DNAH14: variants seen among roughly 807,000 people sequenced by gnomAD.
DNAH14 encodes axonemal beta dynein heavy chain 14.
A neutral mutation model predicts 520.9 loss-of-function variants in DNAH14; 478 were observed. The ratio of observed to expected loss-of-function variants is 0.92; its 90% CI spans 0.85 to 0.99. The LOEUF is 0.99. DNAH14 is among the 50% of genes least tolerant of loss of function. The pLI, the probability that DNAH14 is intolerant of heterozygous loss-of-function variation, is 0.00. For synonymous variants in DNAH14, 1,581 were observed against 1,757.2 expected, an observed-to-expected ratio of 0.90 and a Z score of 2.51; for missense variants, 4,831 against 5,234.5, an observed-to-expected ratio of 0.92 and a Z score of 2.38.
intron 27 of DNAH14, among the ~76,000 whole-genome samples, chr1:225,138,779 C>T (rs2079181106): frequency 6.6e-6 from 1 of 152,140 alleles, no homozygotes; most frequent in Admixed American, 6.5e-5. Context: ...CCCCGCTAAG[C>T]TGTTGTCCCC....
At chr1:225,303,381 A>T in intron 57 of DNAH14, 34 bp downstream of exon 57, 1 of 1,525,420 alleles carries the variant, frequency 6.6e-7, no homozygotes, top group South Asian at 1.2e-5. Context: ...GTTTCAGTTT[A>T]TTGACAGCAT....
intron 23 of DNAH14, among the ~76,000 whole-genome samples, chr1:225,109,438 G>A (rs188511821): frequency 1.3e-5 from 2 of 151,796 alleles, no homozygotes; most frequent in East Asian, 3.9e-4. Flanking sequence ...CACTTCTTAG[G>A]TTGATTCCTA....
Position 225,100,869 on chromosome 1 carries a change from A to G in DNAH14, c.3852A>G (p.Ile1284Met). The change falls in exon 23 of 86, where the codon ATA becomes ATG. Residue 1284 changes from isoleucine (I) to methionine (M), a missense_variant. Transcript: ENST00000682510. The stretch of plus-strand genomic sequence containing the variant: ...ATTGTAATATACATCTTGAACATAT[A>G]AAGAAAAGCCTTGAGGTAAAACTAT... ...LQNCNIHLEH[I>M]KKSLEDYLEV... The G allele has an allele frequency of 6.6e-7, 1 of 1,504,200 alleles. No homozygotes were observed. The highest frequency in any genetic ancestry group is 8.8e-7 in the Non-Finnish European group (1 of 1,133,442). The allele number at this position is 1,504,200 out of a possible 1,614,324, so 93.2% of individuals were successfully genotyped here.
At chr1:225,219,771 A>G (rs1395799053) in intron 41 of DNAH14, among the ~76,000 whole-genome samples, 2 of 152,156 alleles carry the variant, frequency 1.3e-5, no homozygotes, top group African/African-American at 4.8e-5. Context: ...ATTATTCCAA[A>G]CAATAGAAAA....
In DNAH14 at chr1:225,289,839, T is replaced by G. The variant is rs1031413760; in HGVS notation, c.8272-46T>G. 2.4e-6 allele frequency: 3 copies of G among 1,230,996 alleles called. No individual in the cohort carries two copies. In the South Asian group the frequency reaches 1.0e-4, roughly 43 times the overall value. The allele number at this position is 1,230,996 out of a possible 1,614,324, so 76.3% of individuals were successfully genotyped here. A position where few individuals can be genotyped will look rare whatever the true frequency, so the allele number is the denominator to read the frequency against. On this transcript the variant is annotated intron_variant, in intron 54 of 85. Coordinates refer to ENST00000682510, the MANE Select transcript of DNAH14 (RefSeq NM_001367479.1). ...AAACAGAAAACTATACGTTGAAAGA[T>G]TCCCAGAAAATGTATGTCATGTGTT...
Position 225,028,955 on chromosome 1 carries a change from C to G in DNAH14, c.1358+5090C>G, listed in dbSNP as rs79436369. ...AGCAAGCCTCCTCCTAGCCATTTAC[C>G]GCAAAAAGCAGAAAACATTTTTCTA... is the stretch of plus-strand genomic sequence containing the variant. On this transcript the variant is annotated intron_variant, in intron 11 of 85. Coordinates refer to ENST00000682510, the MANE Select transcript of DNAH14 (RefSeq NM_001367479.1). Among the ~76,000 whole-genome samples the G allele has an allele frequency of 2.0e-5, 3 of 151,752 alleles. No homozygotes were observed. In the East Asian group the frequency reaches 5.8e-4, roughly 29 times the overall value.
At chr1:225,225,107 T>C (rs1574119167) in intron 41 of DNAH14, among the ~76,000 whole-genome samples, 2 of 152,266 alleles carry the variant, frequency 1.3e-5, no homozygotes, top group South Asian at 4.1e-4. Flanking sequence ...CCACCAAAAT[T>C]GGAGAAATGT....
At chr1:225,173,890 GA>G (rs1054290589) in intron 36 of DNAH14, among the ~76,000 whole-genome samples, 1 of 152,212 alleles carries the variant, frequency 6.6e-6, no homozygotes, top group Non-Finnish European at 1.5e-5. Context: ...ACTGGATTAA[GA>G]AAATGTGGCA....
chr1:225,286,531 C>T (rs1393090428), intron 54 of DNAH14, among the ~76,000 whole-genome samples: 2 of 152,098 alleles, frequency 1.3e-5, no homozygotes, highest in African/African-American at 4.8e-5. Flanking sequence ...CGAGATACCA[C>T]AACATCCCTA....
intron 19 of DNAH14, 69 bp downstream of exon 19, chr1:225,080,817 A>G (rs1343183134): frequency 3.5e-6 from 5 of 1,428,790 alleles, no homozygotes; most frequent in Admixed American, 2.8e-5. Context: ...CATCAAGAGC[A>G]TTGTCCTTGG....
intron 4 of DNAH14, chr1:224,961,285 G>A (rs1483487690): frequency 6.6e-5 from 10 of 152,160 alleles, no homozygotes; most frequent in African/African-American, 2.4e-4. Flanking sequence ...GATCCGTTAA[G>A]CTGTATCCAG....
At chr1:225,098,342 G>A (rs757471129) in intron 22 of DNAH14, among the ~76,000 whole-genome samples, 5 of 152,142 alleles carry the variant, frequency 3.3e-5, no homozygotes, top group Non-Finnish European at 7.4e-5. Context: ...AAAGTGATTG[G>A]CCTTAAGGGT....
chr1:225,022,095 AT>A (rs1220828920), intron 10 of DNAH14, among the ~76,000 whole-genome samples: 6 of 152,238 alleles, frequency 3.9e-5, no homozygotes, highest in Non-Finnish European at 7.3e-5. Context: ...ATATACAAAA[AT>A]TAACTCAAGA....
At chr1:225,156,738 G>T in intron 34 of DNAH14, among the ~76,000 whole-genome samples, 1 of 76,072 alleles carries the variant, frequency 1.3e-5, no homozygotes, top group Non-Finnish European at 2.4e-5. Context: ...TTTTTGAGAC[G>T]GAGTCTCGCT....
intron 27 of DNAH14, among the ~76,000 whole-genome samples, chr1:225,139,472 C>T (rs2079237932): frequency 6.6e-6 from 1 of 152,200 alleles, no homozygotes; most frequent in South Asian, 2.1e-4. Flanking sequence ...TACAACTCCC[C>T]TTTCTCTTGC....
rs763838464 is a variant in DNAH14, at chr1:225,374,665, A to G, written c.12319-23A>G. 5 of 1,523,460 alleles carry G rather than the reference A, an allele frequency of 3.3e-6. No individual in the cohort carries two copies. In the South Asian group the frequency reaches 5.0e-5, roughly 15 times the overall value. 94.4% of individuals were successfully genotyped at this position (1,523,460 alleles called of 1,614,324 possible). Reference sequence around the variant, plus strand: ...AGCTGGAAACACATACTGAAATAATAAAGACTCATGGGTTTTCCAAAGGTT... The same window carrying G: ...AGCTGGAAACACATACTGAAATAATGAAGACTCATGGGTTTTCCAAAGGTT... On this transcript the variant is annotated intron_variant, in intron 77 of 85. Transcript: ENST00000682510.
At chr1:225,392,122 C>T (rs980593895) in intron 83 of DNAH14, among the ~76,000 whole-genome samples, 169 bp from the exon 84 acceptor site, 3 of 152,202 alleles carry the variant, frequency 2.0e-5, no homozygotes, top group Non-Finnish European at 2.9e-5. Flanking sequence ...GTCACCAAGG[C>T]CTGAGAGGGT....
chr1:225,072,231 G>C (rs1232414416), intron 17 of DNAH14, among the ~76,000 whole-genome samples: 1 of 152,052 alleles, frequency 6.6e-6, no homozygotes, highest in Non-Finnish European at 1.5e-5. Context: ...CAGATATTTT[G>C]TTCTTTTCTT....
At chr1:225,310,151 G>A (rs1030745063) in intron 60 of DNAH14, among the ~76,000 whole-genome samples, 11 of 151,920 alleles carry the variant, frequency 7.2e-5, no homozygotes, top group East Asian at 3.9e-4. Context: ...AATTCATGGC[G>A]TTTGTTTTTG....
Sources: gnomAD v4.1 joint callset for allele counts (sites outside exome capture counted in the v4.1 genomes callset) on GRCh38, gnomAD v4.1.1 for gene constraint, MANE v1.5 for transcripts, NCBI Gene and HGNC (gene_info 2026-07-23, HGNC 2026-07-21) for gene names.